Variants in UST observed in about 807,000 individuals in gnomAD.
UST encodes the protein uronyl 2-sulfotransferase.
A neutral mutation model predicts 45.6 loss-of-function variants in UST; 21 were observed. The ratio of observed to expected loss-of-function variants is 0.46; its 90% CI spans 0.33 to 0.66. The LOEUF is 0.66. Ranked by LOEUF, UST falls within the 30% of genes least tolerant of loss-of-function variation. UST has a pLI of 0.02. For synonymous variants in UST, 215 were observed against 200.6 expected (o/e 1.07, Z -0.61); for missense variants, 463 against 512.4 (o/e 0.90, Z 0.93).
At chr6:149,044,213 AG>A (rs1419953414) in intron 7 of UST, among the ~76,000 whole-genome samples, 1 of 152,198 alleles carries the variant, frequency 6.6e-6, no homozygotes, top group Non-Finnish European at 1.5e-5. Context: ...CAATTTCATG[AG>A]GGTTTTGCTA....
At chr6:148,753,225 AT>A (rs1776023456) in intron 1 of UST, among the ~76,000 whole-genome samples, 1 of 152,194 alleles carries the variant, frequency 6.6e-6, no homozygotes, top group African/African-American at 2.4e-5. Flanking sequence ...ATGTGTAACC[AT>A]TGCCACAATT....
At chr6:148,826,699 C>T (rs1777574212) in intron 1 of UST, among the ~76,000 whole-genome samples, 1 of 152,116 alleles carries the variant, frequency 6.6e-6, no homozygotes, top group Non-Finnish European at 1.5e-5. Flanking sequence ...TAAAACAATC[C>T]ACATACCATG....
chr6:148,843,992 C>G (rs1777936081), intron 1 of UST, among the ~76,000 whole-genome samples: 1 of 152,192 alleles, frequency 6.6e-6, no homozygotes, highest in Non-Finnish European at 1.5e-5. Flanking sequence ...TAAAAAGGTT[C>G]AGGGATGGAT....
chr6:148,897,167 A>T (rs1264540217), intron 2 of UST, among the ~76,000 whole-genome samples: 2 of 151,946 alleles, frequency 1.3e-5, no homozygotes, highest in Admixed American at 6.6e-5. Context: ...TACTTTTAAA[A>T]TTTTTTTAAA....
At chr6:148,992,183 T>C (rs1376123845) in intron 5 of UST, among the ~76,000 whole-genome samples, 18 of 152,166 alleles carry the variant, frequency 1.2e-4, no homozygotes. Context: ...TGAAAACCAG[T>C]TGGTTCTTGT....
chr6:148,791,041 A>T (rs1776836904), intron 1 of UST, among the ~76,000 whole-genome samples: 2 of 152,228 alleles, frequency 1.3e-5, no homozygotes, highest in African/African-American at 4.8e-5. Flanking sequence ...TCTGGACTGG[A>T]ACCTTTTTCA....
At chr6:148,788,344 T>A (rs1241869964) in intron 1 of UST, among the ~76,000 whole-genome samples, 2 of 151,602 alleles carry the variant, frequency 1.3e-5, no homozygotes, top group African/African-American at 4.8e-5. Context: ...AACTAGAAAA[T>A]ATATATATAT....
In UST at chr6:149,074,264, C is replaced by T. The variant is rs1776858819; in HGVS notation, c.*148C>T. The T allele has an allele frequency of 4.7e-6, 4 of 846,398 alleles. No homozygotes were observed. The highest frequency in any genetic ancestry group is 7.2e-6 in the Non-Finnish European group (4 of 558,008). 52.4% of individuals were successfully genotyped at this position (846,398 alleles called of 1,614,324 possible). ...CATGTTGGGGTCATTGGGAGATGCC[C>T]GGTTTTGCGGGTTTTATTTGTTTAA... On this transcript the variant is annotated 3_prime_UTR_variant, in exon 8 of 8. Coordinates refer to ENST00000367463, the MANE Select transcript of UST (RefSeq NM_005715.3).
chr6:148,964,665 G>A (rs1160255244), intron 5 of UST, 102 bp downstream of exon 5: 3 of 1,482,848 alleles, frequency 2.0e-6, no homozygotes, highest in African/African-American at 1.4e-5. Context: ...TCTCCTTGGC[G>A]CCTCCATGGA....
At chr6:149,022,375 G>A (rs1414805563) in intron 7 of UST, among the ~76,000 whole-genome samples, 1 of 152,070 alleles carries the variant, frequency 6.6e-6, no homozygotes, top group East Asian at 1.9e-4. Context: ...CGAGGCAGGT[G>A]GATCACCTGA....
chr6:148,887,445 A>T (rs141154718), intron 2 of UST, among the ~76,000 whole-genome samples: 1 of 152,168 alleles, frequency 6.6e-6, no homozygotes. Flanking sequence ...GGGATACTCC[A>T]CTTGAGGCCC....
At chr6:149,039,332 T>C (rs2115030183) in intron 7 of UST, among the ~76,000 whole-genome samples, 1 of 152,324 alleles carries the variant, frequency 6.6e-6, no homozygotes, top group South Asian at 2.1e-4. Flanking sequence ...GTTCAAGAGA[T>C]TCTCCTGCCT....
intron 2 of UST, among the ~76,000 whole-genome samples, chr6:148,894,584 T>A (rs1382814947): frequency 6.6e-6 from 1 of 152,132 alleles, no homozygotes; most frequent in East Asian, 1.9e-4. Flanking sequence ...TATAGACACC[T>A]TGATTTCAGA....
rs182777947 is a variant in UST at position 148,845,004 on chromosome 6, T to C, written c.248-41982T>C. 1.5e-3 allele frequency among the ~76,000 whole-genome samples: 221 copies of C among 152,322 alleles called. 3 individuals are homozygous for C. The highest frequency in any genetic ancestry group is 5.1e-3 in the African/African-American group (212 of 41,564). ...GCTGCATAGTATTCCATGGTGTATGTGTACCACATAGTCTCGATCCAATCC... is the reference window on the plus strand; with the variant it reads ...GCTGCATAGTATTCCATGGTGTATGCGTACCACATAGTCTCGATCCAATCC... On this transcript the variant is annotated intron_variant, in intron 1 of 7. Transcript: ENST00000367463.
intron 7 of UST, among the ~76,000 whole-genome samples, chr6:149,026,090 G>A (rs561442517): frequency 6.9e-4 from 105 of 151,336 alleles, no homozygotes; most frequent in African/African-American, 2.4e-3. Context: ...AGAGGTTGCA[G>A]TGAGCAGAGA....
At chr6:148,922,885 C>G (rs1358325587) in intron 2 of UST, among the ~76,000 whole-genome samples, 1 of 152,168 alleles carries the variant, frequency 6.6e-6, no homozygotes, top group Non-Finnish European at 1.5e-5. Context: ...CTCCACCTCC[C>G]AGGTTCAAGC....
intron 2 of UST, among the ~76,000 whole-genome samples, chr6:148,894,913 A>G (rs1031425812): frequency 8.6e-5 from 12 of 138,984 alleles, no homozygotes; most frequent in African/African-American, 3.3e-4. Context: ...CGCCTCCCGG[A>G]TTCAAGCAAT....
chr6:148,966,255 TAAAA>T (rs1317174074), intron 5 of UST, among the ~76,000 whole-genome samples: 1 of 142,796 alleles, frequency 7.0e-6, no homozygotes, highest in Admixed American at 6.8e-5. Context: ...TTAAATAAAA[TAAAA>T]AACTATAGGT....
chr6:148,976,361 C>A (rs1781017237), intron 5 of UST, among the ~76,000 whole-genome samples: 1 of 152,178 alleles, frequency 6.6e-6, no homozygotes, highest in Non-Finnish European at 1.5e-5. Flanking sequence ...CATGACATCA[C>A]TGAATACAGC....
Sources: allele counts gnomAD v4.1 joint callset (sites outside exome capture counted in the v4.1 genomes callset), GRCh38; gene constraint gnomAD v4.1.1; transcripts MANE v1.5; gene names NCBI Gene and HGNC (gene_info 2026-07-23, HGNC 2026-07-21).